BCAP29: variants seen among roughly 807,000 people sequenced by gnomAD.
The protein encoded by BCAP29 is B cell receptor associated protein 29.
A neutral mutation model predicts 31.8 loss-of-function variants in BCAP29; 34 were observed. The ratio of observed to expected loss-of-function variants is 1.07; its 90% confidence interval spans 0.81 to 1.42. The LOEUF (loss-of-function observed/expected upper bound fraction) is 1.42. Among genes scored for constraint, BCAP29 ranks in the 40% most tolerant of loss-of-function variants. The pLI, the probability that BCAP29 is intolerant of heterozygous loss-of-function variation, is 0.00. For synonymous variants in BCAP29, 104 were observed against 91.3 expected, an observed-to-expected ratio of 1.14 and a Z score of -0.79; for missense variants, 314 against 269.2, an observed-to-expected ratio of 1.17 and a Z score of -1.16.
intron 5 of BCAP29, 95 bp from the exon 6 acceptor site, chr7:107,600,302 G>A (rs1563134849): frequency 2.7e-6 from 2 of 751,212 alleles, no homozygotes; most frequent in Non-Finnish European, 4.7e-6. Flanking sequence ...ATTATAAACA[G>A]GTAAGTTTAG....
intron 6 of BCAP29, among the ~76,000 whole-genome samples, chr7:107,602,109 T>A (rs1811281643): frequency 6.6e-6 from 1 of 152,250 alleles, no homozygotes; most frequent in African/African-American, 2.4e-5. Flanking sequence ...TGATAACAAC[T>A]GATACCAGCT....
intron 6 of BCAP29, among the ~76,000 whole-genome samples, chr7:107,600,853 A>G (rs1369047800): frequency 1.3e-5 from 2 of 152,238 alleles, no homozygotes; most frequent in Admixed American, 6.5e-5. Flanking sequence ...CAGAGAAGCA[A>G]TTGTAGGGGA....
intron 7 of BCAP29, among the ~76,000 whole-genome samples, chr7:107,617,057 C>G (rs559217197): frequency 2.6e-5 from 4 of 152,220 alleles, no homozygotes; most frequent in Non-Finnish European, 2.9e-5. Flanking sequence ...TTTTCTTTAA[C>G]TCTTGTGCTT....
At chr7:107,600,350 C>A in intron 5 of BCAP29, 47 bp from the exon 6 acceptor site, 2 of 1,091,254 alleles carry the variant, frequency 1.8e-6, no homozygotes, top group Non-Finnish European at 1.4e-6. Context: ...GAATGTCTGG[C>A]TATTGCAATC....
At chr7:107,609,645 T>A (rs1361704557) in intron 6 of BCAP29, among the ~76,000 whole-genome samples, 1 of 152,204 alleles carries the variant, frequency 6.6e-6, no homozygotes, top group Non-Finnish European at 1.5e-5. Flanking sequence ...ATAATATAAT[T>A]AAACCACAGT....
At chr7:107,621,785 GAGC>G (rs1814994206), downstream of BCAP29, 2 of 479,266 alleles carry the variant, frequency 4.2e-6, no homozygotes, top group African/African-American at 3.9e-5. Context: ...CTTCCAGCAG[GAGC>G]ATGGCCCTAC....
chr7:107,613,276 T>C (rs59650878), intron 6 of BCAP29, 56 bp from the exon 7 acceptor site: 61,549 of 1,359,974 alleles, frequency 0.045, 1,497 homozygotes, highest in Non-Finnish European at 0.052. Flanking sequence ...CTTGTAACTT[T>C]TCTATAAATT....
At chr7:107,621,889 G>C (rs781632320), downstream of BCAP29, 1 of 534,544 alleles carries the variant, frequency 1.9e-6, no homozygotes, top group South Asian at 1.4e-5. Flanking sequence ...GTGATTATTT[G>C]TTACTGCTGC....
chr7:107,589,767 A>C (rs756003521), intron 3 of BCAP29, among the ~76,000 whole-genome samples: 30 of 152,220 alleles, frequency 2.0e-4, no homozygotes, highest in Non-Finnish European at 3.8e-4. Context: ...CTCAATAAAT[A>C]CAAAGGATTG....
intron 7 of BCAP29, among the ~76,000 whole-genome samples, chr7:107,617,422 A>G (rs2129296012): frequency 6.6e-6 from 1 of 152,282 alleles, no homozygotes; most frequent in East Asian, 1.9e-4. Flanking sequence ...ATTAGAAAAC[A>G]GTCCCTTCAA....
intron 5 of BCAP29, among the ~76,000 whole-genome samples, chr7:107,597,362 T>TA (rs1810044109): frequency 1.3e-5 from 2 of 151,904 alleles, no homozygotes; most frequent in Non-Finnish European, 2.9e-5. Context: ...AGGCAAGAGT[T>TA]ACCGCGCCCA....
chr7:107,612,395 A>ATT, intron 6 of BCAP29, among the ~76,000 whole-genome samples: 1 of 13,630 alleles, frequency 7.3e-5, no homozygotes, highest in Non-Finnish European at 1.7e-4. Flanking sequence ...ATTGTTTTAT[A>ATT]TATATATATA....
In BCAP29 at chr7:107,593,987, GT is replaced by G; in HGVS notation, c.228del (p.His77IlefsTer19). The G allele has an allele frequency of 6.2e-7, 1 of 1,613,854 alleles. No individual in the cohort carries two copies. The highest frequency in any genetic ancestry group is 2.2e-5 in the East Asian group (1 of 44,870). On this transcript the variant is annotated frameshift_variant, in exon 4 of 8. Transcript: ENST00000005259. LOFTEE classifies it high-confidence loss of function. ...GAGAGAAGTAAGGAAATATTCCTCA[GT>G]TCATACCATTGAGAAGAGCTCCACC... is the stretch of plus-strand genomic sequence containing the variant. The part of the protein sequence containing the change: ...AVREVRKYSS[V>X]HTIEKSSTSR...
intron 3 of BCAP29, among the ~76,000 whole-genome samples, chr7:107,591,007 T>C (rs922060047): frequency 4.6e-5 from 7 of 152,180 alleles, no homozygotes; most frequent in Non-Finnish European, 7.4e-5. Context: ...AATGACATTT[T>C]TAAAAATTCC....
chr7:107,611,096 G>A (rs772041340), intron 6 of BCAP29, among the ~76,000 whole-genome samples: 1 of 152,098 alleles, frequency 6.6e-6, no homozygotes, highest in South Asian at 2.1e-4. Context: ...AAAGGGAAAG[G>A]CAGCTCTCTG....
chr7:107,598,894 T>TAC lies in BCAP29; in HGVS notation c.481-1466_481-1465dup, dbSNP rs59376183. On this transcript the variant is annotated intron_variant, in intron 5 of 7. Transcript: ENST00000005259. The stretch of plus-strand genomic sequence containing the variant: ...TAAGACCAGCCTGGGCAATACAGTA[T>TAC]ACACACACACACACACACACACACA... Among the ~76,000 whole-genome samples the TAC allele has an allele frequency of 4.9e-3, 681 of 139,106 alleles. 2 individuals carry two copies. The highest frequency in any genetic ancestry group is 9.6e-3 in the African/African-American group (353 of 36,820). The allele number at this position is 139,106 out of a possible 152,430, so 91.3% of individuals were successfully genotyped here.
At chr7:107,590,723 G>C (rs1301628652) in intron 3 of BCAP29, among the ~76,000 whole-genome samples, 1 of 151,928 alleles carries the variant, frequency 6.6e-6, no homozygotes, top group East Asian at 1.9e-4. Flanking sequence ...AAAGGCTGAG[G>C]TGGGAGAGTT....
downstream of BCAP29, chr7:107,621,470 A>G: frequency 3.2e-6 from 1 of 312,158 alleles, no homozygotes; most frequent in Non-Finnish European, 6.3e-6. Flanking sequence ...TGGTAGGCTT[A>G]ATTATGACTT....
chr7:107,595,711 A>G (rs1809683907), intron 4 of BCAP29, 156 bp from the exon 5 acceptor site: 2 of 691,018 alleles, frequency 2.9e-6, no homozygotes, highest in Non-Finnish European at 2.2e-6. Flanking sequence ...TGTTTTTACT[A>G]AGAGACTTGA....
Sources: gnomAD v4.1 joint callset for allele counts (sites outside exome capture counted in the v4.1 genomes callset) on GRCh38, gnomAD v4.1.1 for gene constraint, MANE v1.5 for transcripts, NCBI Gene and HGNC (gene_info 2026-07-23, HGNC 2026-07-21) for gene names.